CADM2: variants seen among roughly 807,000 people sequenced by gnomAD.
The protein encoded by CADM2 is immunoglobulin superfamily member 4D.
CADM2 carries 12 observed loss-of-function variants against 49.8 expected under a neutral mutation model. The ratio of observed to expected loss-of-function variants is 0.24; its 90% CI spans 0.15 to 0.39. The LOEUF is 0.39. Ranked by LOEUF, CADM2 falls within the 10% of genes least tolerant of loss-of-function variation. The pLI is 1.00. For synonymous variants in CADM2, 214 were observed against 175.4 expected (o/e 1.22, Z -1.74); for missense variants, 378 against 492.3 (o/e 0.77, Z 2.20).
chr3:85,717,708 A>G (rs2067346453), intron 1 of CADM2, among the ~76,000 whole-genome samples: 1 of 151,954 alleles, frequency 6.6e-6, no homozygotes, highest in South Asian at 2.1e-4. Flanking sequence ...GCGTTGTTGA[A>G]TTATATCGAA....
At chr3:85,329,005 A>G in intron 1 of CADM2, among the ~76,000 whole-genome samples, 1 of 152,036 alleles carries the variant, frequency 6.6e-6, no homozygotes, top group Admixed American at 6.6e-5. Context: ...AGTTAAATAG[A>G]GGTTAAGAGG....
chr3:85,380,299 A>G lies in CADM2; in HGVS notation c.62-346223A>G, dbSNP rs549369082. Among the ~76,000 whole-genome samples the G allele has an allele frequency of 5.9e-5, 9 of 152,098 alleles. No homozygotes were observed. The South Asian group carries it at 1.9e-3, about 32-fold the overall frequency. ...TTAATATGGCATACTAAAGGTAATCATAAGATTTTTTTATATACACAATAT... is the reference window on the plus strand; with the variant it reads ...TTAATATGGCATACTAAAGGTAATCGTAAGATTTTTTTATATACACAATAT... On this transcript the variant is annotated intron_variant, in intron 1 of 9. Coordinates refer to ENST00000383699, the MANE Select transcript of CADM2 (RefSeq NM_001167675.2).
intron 1 of CADM2, among the ~76,000 whole-genome samples, chr3:85,343,642 A>G (rs538585697): frequency 6.6e-6 from 1 of 152,310 alleles, no homozygotes; most frequent in East Asian, 1.9e-4. Context: ...CTAAAAAGAA[A>G]ACGAGGTTTG....
At chr3:85,907,377 G>A (rs932462411) in intron 5 of CADM2, among the ~76,000 whole-genome samples, 1 of 152,156 alleles carries the variant, frequency 6.6e-6, no homozygotes, top group Admixed American at 6.5e-5. Flanking sequence ...AGACCATGCT[G>A]TTTTGCTCAT....
At chr3:85,824,367 G>A (rs1226607819) in intron 3 of CADM2, among the ~76,000 whole-genome samples, 2 of 152,030 alleles carry the variant, frequency 1.3e-5, no homozygotes, top group Non-Finnish European at 1.5e-5. Context: ...GGAAAACTTA[G>A]TGTAAACTTG....
intron 1 of CADM2, among the ~76,000 whole-genome samples, chr3:85,109,472 C>G (rs906089636): frequency 6.1e-4 from 93 of 151,856 alleles, no homozygotes; most frequent in Admixed American, 1.4e-3. Context: ...AGTAAAGACT[C>G]AAGAGTTCAG....
intron 1 of CADM2, among the ~76,000 whole-genome samples, chr3:85,259,285 T>C (rs954050053): frequency 6.6e-6 from 1 of 152,210 alleles, no homozygotes; most frequent in Non-Finnish European, 1.5e-5. Context: ...ATGAATATTT[T>C]AGTCTGGTAA....
At chr3:85,729,352 C>T (rs1327605760) in intron 2 of CADM2, among the ~76,000 whole-genome samples, 1 of 152,084 alleles carries the variant, frequency 6.6e-6, no homozygotes, top group East Asian at 1.9e-4. Context: ...ACTTCACTTC[C>T]TACAAAATAA....
chr3:85,454,381 G>C (rs1406707974), intron 1 of CADM2, among the ~76,000 whole-genome samples: 1 of 151,930 alleles, frequency 6.6e-6, no homozygotes, highest in African/African-American at 2.4e-5. Flanking sequence ...AATCCTTCTA[G>C]TACGCAGAAT....
intron 1 of CADM2, among the ~76,000 whole-genome samples, chr3:85,254,009 C>G (rs76582909): frequency 1.8e-4 from 27 of 152,020 alleles, no homozygotes; most frequent in Admixed American, 1.7e-3. Flanking sequence ...GTTGAAGGCT[C>G]AGCCCCCAAA....
intron 1 of CADM2, among the ~76,000 whole-genome samples, chr3:85,426,040 G>C (rs966445983): frequency 1.3e-5 from 2 of 152,164 alleles, no homozygotes; most frequent in African/African-American, 4.8e-5. Context: ...CCTTATGCAA[G>C]CCGTGCCTCA....
chr3:85,120,743 C>T (rs796703639), intron 1 of CADM2, among the ~76,000 whole-genome samples: 28 of 152,052 alleles, frequency 1.8e-4, no homozygotes, highest in African/African-American at 6.8e-4. Flanking sequence ...AGGTAGATGG[C>T]TGCAGCAAAC....
chr3:85,546,069 C>T (rs558215657), intron 1 of CADM2, among the ~76,000 whole-genome samples: 1 of 152,274 alleles, frequency 6.6e-6, no homozygotes, highest in African/African-American at 2.4e-5. Context: ...ATGGCAGCTC[C>T]TCATACAGTA....
intron 1 of CADM2, among the ~76,000 whole-genome samples, chr3:85,605,275 T>G (rs1178161768): frequency 1.3e-5 from 2 of 152,016 alleles, no homozygotes; most frequent in African/African-American, 4.8e-5. Flanking sequence ...GAAAGGCAAA[T>G]TCCTGTGGTC....
At chr3:85,740,243 G>C (rs1408187839) in intron 2 of CADM2, among the ~76,000 whole-genome samples, 1 of 152,138 alleles carries the variant, frequency 6.6e-6, no homozygotes, top group Non-Finnish European at 1.5e-5. Context: ...CTACTCATTT[G>C]ATCTTACAGA....
chr3:85,834,943 A>C (rs2074340702), intron 3 of CADM2, among the ~76,000 whole-genome samples: 1 of 151,636 alleles, frequency 6.6e-6, no homozygotes, highest in African/African-American at 2.4e-5. Flanking sequence ...CCAAGAAATT[A>C]AAATTATTGA....
At chr3:86,058,232 T>C (rs1187516443) in intron 8 of CADM2, among the ~76,000 whole-genome samples, 1 of 152,158 alleles carries the variant, frequency 6.6e-6, no homozygotes, top group African/African-American at 2.4e-5. Flanking sequence ...TGGTTCACAG[T>C]TTTCACATGG....
At chr3:85,121,849 TAA>T (rs1429631692) in intron 1 of CADM2, among the ~76,000 whole-genome samples, 1 of 152,196 alleles carries the variant, frequency 6.6e-6, no homozygotes, top group Non-Finnish European at 1.5e-5. Context: ...AAAATATAAT[TAA>T]AGTTATTTGG....
At chr3:84,980,082 A>G (rs1180322810) in intron 1 of CADM2, among the ~76,000 whole-genome samples, 1 of 152,216 alleles carries the variant, frequency 6.6e-6, no homozygotes, top group East Asian at 1.9e-4. Flanking sequence ...AACCTTGATC[A>G]TAATCATACA....
Sources: allele counts gnomAD v4.1 joint callset (sites outside exome capture counted in the v4.1 genomes callset), GRCh38; gene constraint gnomAD v4.1.1; transcripts MANE v1.5; gene names NCBI Gene and HGNC (gene_info 2026-07-23, HGNC 2026-07-21).